TMEM63A: variants seen among roughly 807,000 people sequenced by gnomAD.
TMEM63A encodes the protein transmembrane protein 63A.
A neutral mutation model predicts 100.6 loss-of-function variants in TMEM63A; 76 were observed. The ratio of observed to expected loss-of-function variants is 0.76; its 90% CI spans 0.63 to 0.91. The LOEUF (loss-of-function observed/expected upper bound fraction) is 0.91, where lower values mean the gene tolerates loss of function less well. Among genes scored for constraint, TMEM63A ranks in the 40% least tolerant of loss-of-function variants. The probability of loss-of-function intolerance (pLI) is 0.00; values close to 1 mark genes in which losing one functional copy is unlikely to be tolerated. For synonymous variants in TMEM63A, 401 were observed against 401.1 expected (o/e 1.00, Z 0.00); for missense variants, 876 against 1,008.8 (o/e 0.87, Z 1.78).
intron 20 of TMEM63A, 33 bp from the exon 21 acceptor site, chr1:225,850,112 C>A: frequency 6.2e-7 from 1 of 1,610,652 alleles, no homozygotes; most frequent in Non-Finnish European, 8.5e-7. Context: ...CTGGAGACCT[C>A]GCAGGGCCAC....
At position 225,862,410 on chromosome 1, in the gene TMEM63A, C is replaced by T. The variant is rs1271783298; in HGVS notation, c.951+45G>A. 1.2e-6 allele frequency: 2 copies of T among 1,613,832 alleles called. No individual in the cohort carries two copies. The highest frequency in any genetic ancestry group is 1.7e-5 in the Admixed American group (1 of 60,026). ...GCCCCATGCTGGTATCTGGGGCACC[C>T]CGATGCCAATGCCTCTGCTCCCAGC... On this transcript the variant is annotated intron_variant, in intron 12 of 24. Transcript: ENST00000366835. This position sits in a 1 kb window ranked among gnomAD's most constrained non-coding sequence, Gnocchi z 5.1.
chr1:225,877,216 AG>A (rs1366863160), intron 3 of TMEM63A, among the ~76,000 whole-genome samples, 178 bp downstream of exon 3: 1 of 152,220 alleles, frequency 6.6e-6, no homozygotes, highest in Admixed American at 6.5e-5. Flanking sequence ...TTTCCGGAGC[AG>A]AAAGGGGAGG....
chr1:225,848,870 C>T (rs1488970266), intron 22 of TMEM63A, 27 bp downstream of exon 22: 2 of 1,535,734 alleles, frequency 1.3e-6, no homozygotes, highest in Non-Finnish European at 1.8e-6. Flanking sequence ...CAGGGCTTGA[C>T]CGGGCAGTGG....
At chr1:225,871,235 AT>A in intron 5 of TMEM63A, 122 bp from the exon 6 acceptor site, 1 of 1,022,390 alleles carries the variant, frequency 9.8e-7, no homozygotes, top group South Asian at 1.5e-5. Context: ...CAGTGCTTTT[AT>A]CCCATATTCA....
At position 225,862,630 on chromosome 1, in the gene TMEM63A, G is replaced by C. The variant is rs759784584; in HGVS notation, c.828-52C>G. The C allele has an allele frequency of 1.3e-5, 21 of 1,602,468 alleles. No homozygotes were observed. The South Asian group carries it at 2.3e-4, about 18-fold the overall frequency. On this transcript the variant is annotated intron_variant, in intron 11 of 24. Transcript: ENST00000366835. This position sits in a 1 kb window ranked among gnomAD's most constrained non-coding sequence, Gnocchi z 5.1. ...ACCTCAGATTTAGAATCCTGTGGCA[G>C]GGACCCCCATACCCACAGTTCAACC...
intron 17 of TMEM63A, 85 bp from the exon 18 acceptor site, chr1:225,856,025 A>G: frequency 2.8e-6 from 4 of 1,405,360 alleles, no homozygotes; most frequent in Non-Finnish European, 3.9e-6. Flanking sequence ...TTTGCTCTAA[A>G]AACAGGCCAA....
chr1:225,870,206 G>A (rs375413472), intron 6 of TMEM63A, among the ~76,000 whole-genome samples: 1 of 152,042 alleles, frequency 6.6e-6, no homozygotes, highest in Non-Finnish European at 1.5e-5. Flanking sequence ...AAAAATATTA[G>A]CTGGGCATGG....
Position 225,876,063 on chromosome 1 carries a change from C to CAAAAAAA in TMEM63A, c.186+1325_186+1331dup, listed in dbSNP as rs532420561. On this transcript the variant is annotated intron_variant, in intron 3 of 24. Coordinates refer to ENST00000366835, the MANE Select transcript of TMEM63A (RefSeq NM_014698.3). ...CCTGGGTGACAGTGAGACCTTGTCT[C>CAAAAAAA]AAAAAAAAAAAAAAAAAAAAAAAAA... 3.0e-4 allele frequency among the ~76,000 whole-genome samples: 10 copies of CAAAAAAA among 32,920 alleles called. 1 individual carries two copies. Among genetic ancestry groups the CAAAAAAA allele is most frequent in the East Asian group, 2.5e-3 (2 of 796 alleles). The allele number at this position is 32,920 out of a possible 152,430, so 21.6% of individuals were successfully genotyped here.
chr1:225,866,976 A>G, intron 8 of TMEM63A, 136 bp downstream of exon 8: 1 of 911,130 alleles, frequency 1.1e-6, no homozygotes, highest in Non-Finnish European at 1.8e-6. Flanking sequence ...CCACAGCTCA[A>G]CAACTCACTA....
rs888635469 is a variant in TMEM63A at position 225,862,956 on chromosome 1, C to A, written c.747-105G>T. 2.8e-6 allele frequency: 3 copies of A among 1,080,944 alleles called. No homozygotes were observed. The highest frequency in any genetic ancestry group is 3.1e-5 in the African/African-American group (2 of 63,670). 67.0% of individuals were successfully genotyped at this position (1,080,944 alleles called of 1,614,324 possible). ...AAGGGAAAGGATGGCAGAGTGATCT[C>A]GCTGCTGGTTTCTGTGCCAGCGGAG... On this transcript the variant is annotated intron_variant, in intron 10 of 24. Transcript: ENST00000366835. This position sits in a 1 kb window ranked among gnomAD's most constrained non-coding sequence, Gnocchi z 5.1.
At chr1:225,869,225 G>A (rs768029931) in intron 6 of TMEM63A, among the ~76,000 whole-genome samples, 57 of 152,218 alleles carry the variant, frequency 3.7e-4, no homozygotes, top group Non-Finnish European at 6.5e-4. Flanking sequence ...CTTAGCAGGG[G>A]CTCAAGAGAT....
intron 9 of TMEM63A, 162 bp from the exon 10 acceptor site, chr1:225,866,129 T>A: frequency 1.5e-6 from 1 of 672,586 alleles, no homozygotes; most frequent in Non-Finnish European, 2.6e-6. Context: ...AGCATGTCAT[T>A]TACACAGCGT....
At chr1:225,854,449 T>C (rs995149414) in intron 18 of TMEM63A, among the ~76,000 whole-genome samples, 8 of 152,058 alleles carry the variant, frequency 5.3e-5, no homozygotes, top group African/African-American at 1.7e-4. Flanking sequence ...GGATCTACTT[T>C]AGAGAGAGTT....
At chr1:225,848,637 C>T (rs558571768) in intron 22 of TMEM63A, 83 bp from the exon 23 acceptor site, 71 of 1,423,832 alleles carry the variant, frequency 5.0e-5, no homozygotes, top group South Asian at 3.9e-4. Flanking sequence ...AGACTATTAA[C>T]ACCCGGAATA....
Position 225,856,686 on chromosome 1 carries a change from T to G in TMEM63A, c.1537A>C (p.Met513Leu). The change falls in exon 17 of 25, where the codon ATG (methionine) becomes CTG (leucine). Residue 513 changes from methionine to leucine, a missense_variant. Around this residue, in one of 5 missense-constraint regions of TMEM63A, gnomAD observed 487 missense variants for 581.9 expected, o/e 0.84. Transcript: ENST00000366835. ...MTKVYIFLIF[M>L]VLILPSLGLT... Reference sequence around the variant, plus strand: ...CCCAGGGAGGGCAGGATCAGCACCATGAAGATCAAGAATATGTAGACTTTG... The same window carrying G: ...CCCAGGGAGGGCAGGATCAGCACCAGGAAGATCAAGAATATGTAGACTTTG... The G allele has an allele frequency of 2.5e-6, 4 of 1,613,760 alleles. No individual in the cohort carries two copies. The highest frequency in any genetic ancestry group is 2.5e-6 in the Non-Finnish European group (3 of 1,179,920).
intron 15 of TMEM63A, among the ~76,000 whole-genome samples, chr1:225,857,377 G>GGGGT (rs1559039230): frequency 1.2e-3 from 23 of 19,672 alleles, no homozygotes; most frequent in African/African-American, 3.8e-3. Flanking sequence ...AGTCCTGGCC[G>GGGGT]GCGGGGCGGG....
rs376823353 is a variant in TMEM63A, at chr1:225,862,422, C to T, written c.951+33G>A. On this transcript the variant is annotated intron_variant, in intron 12 of 24. Transcript: ENST00000366835. The surrounding 1 kb of genome is among the most constrained non-coding windows in gnomAD (Gnocchi z 5.1). ...TATCTGGGGCACCCCGATGCCAATG[C>T]CTCTGCTCCCAGCCGGGGGGTGGGA... 5.0e-6 allele frequency: 8 copies of T among 1,613,752 alleles called. No individual in the cohort carries two copies. In the African/African-American group the frequency reaches 9.3e-5, roughly 19 times the overall value.
At position 225,877,412 on chromosome 1, in the gene TMEM63A, C is replaced by T. The variant is rs747095793; in HGVS notation, c.169G>A (p.Asp57Asn). 1.2e-6 allele frequency: 2 copies of T among 1,613,496 alleles called. No individual in the cohort carries two copies. Among genetic ancestry groups the T allele is most frequent in the South Asian group, 2.2e-5 (2 of 91,038 alleles). Residue 57 changes from aspartate (D) to asparagine (N), a missense_variant, in exon 3 of 25, where the codon GAC (aspartate) becomes AAC (asparagine). Transcript: ENST00000366835. Reference sequence around the variant, plus strand: ...GCTCTCACCAGGAAGCAGCTGACGTCTATGAGCAGGACAGTGGGGATGCCA... The same window carrying T: ...GCTCTCACCAGGAAGCAGCTGACGTTTATGAGCAGGACAGTGGGGATGCCA... The part of the protein sequence containing the change: ...FGGIPTVLLI[D>N]VSCFLFLILV...
chr1:225,853,715 C>A lies in TMEM63A; in HGVS notation c.1711G>T (p.Glu571Ter). Residue 571 changes from glutamate (E) to a stop codon, truncating the protein, a stop_gained, in exon 19 of 25, where the codon GAG becomes TAG. Transcript: ENST00000366835. LOFTEE classifies it high-confidence loss of function. The surrounding 1 kb of genome is among the most constrained non-coding windows in gnomAD (Gnocchi z 4.0). The part of the protein sequence containing the change: ...IASAFIGNGM[E>*]LLRLPGLILY... ...ATGAGACCTGGCAGCCGCAGCAGCTCCATGCCATTGCCGATGAAGGCCGAG... is the reference window on the plus strand; with the variant it reads ...ATGAGACCTGGCAGCCGCAGCAGCTACATGCCATTGCCGATGAAGGCCGAG... 6.2e-7 allele frequency: 1 copy of A among 1,600,184 alleles called. No individual in the cohort carries two copies. Among genetic ancestry groups the A allele is most frequent in the East Asian group, 2.3e-5 (1 of 44,370 alleles).
Sources: gnomAD v4.1 joint callset for allele counts (sites outside exome capture counted in the v4.1 genomes callset) on GRCh38, gnomAD v4.1.1 for gene constraint, gnomAD v4.1.1 regional missense constraint, Gnocchi (gnomAD v3.1) non-coding constraint, MANE v1.5 for transcripts, NCBI Gene and HGNC (gene_info 2026-07-23, HGNC 2026-07-21) for gene names.